NBEAL1: variants seen among roughly 807,000 people sequenced by gnomAD.
The protein encoded by NBEAL1 is neurobeachin-like protein 1.
Under a neutral mutation model 351.3 loss-of-function variants are expected in NBEAL1, and 273 were observed. The ratio of observed to expected loss-of-function variants is 0.78; its 90% CI spans 0.70 to 0.86. The LOEUF (loss-of-function observed/expected upper bound fraction) is 0.86, where lower values mean the gene tolerates loss of function less well. Among genes scored for constraint, NBEAL1 ranks in the 40% least tolerant of loss-of-function variants. The probability of loss-of-function intolerance (pLI) is 0.00; values close to 1 mark genes in which losing one functional copy is unlikely to be tolerated. For missense variants in NBEAL1, 2,961 were observed against 3,201.3 expected (o/e 0.92, Z 1.81); for synonymous variants, 1,050 against 1,086.4 (o/e 0.97, Z 0.66).
intron 12 of NBEAL1, among the ~76,000 whole-genome samples, chr2:203,102,245 T>C (rs2062342516): frequency 6.6e-6 from 1 of 152,226 alleles, no homozygotes; most frequent in Non-Finnish European, 1.5e-5. Flanking sequence ...TAGAATCATA[T>C]TGTCTGCAAA....
At chr2:203,169,388 T>TTA (rs1351517980) in intron 38 of NBEAL1, among the ~76,000 whole-genome samples, 2 of 89,662 alleles carry the variant, frequency 2.2e-5, no homozygotes, top group Admixed American at 1.3e-4. Flanking sequence ...TTGAATATAG[T>TTA]AAAAAAAAAA....
At chr2:203,188,700 A>G (rs2064985148) in intron 45 of NBEAL1, 111 bp downstream of exon 45, 1 of 615,292 alleles carries the variant, frequency 1.6e-6, no homozygotes, top group Admixed American at 2.8e-5. Flanking sequence ...ACATTTTAAA[A>G]ACATCTTTTT....
chr2:203,099,716 A>C lies in NBEAL1; in HGVS notation c.1269+4A>C, dbSNP rs964658358. The C allele has an allele frequency of 6.5e-6, 10 of 1,533,908 alleles. No homozygotes were observed. The highest frequency in any genetic ancestry group is 2.0e-5 in the Admixed American group (1 of 48,848). On this transcript the variant is annotated splice_donor_region_variant and intron_variant, in intron 12 of 55. Transcript: ENST00000683969. ...GAACAAATCTCCAGCTGCTAAGGTG[A>C]AACATATATCCTCCAGCTTTTTTTT...
At chr2:203,107,100 T>G (rs1283801956) in intron 12 of NBEAL1, among the ~76,000 whole-genome samples, 1 of 152,138 alleles carries the variant, frequency 6.6e-6, no homozygotes, top group Non-Finnish European at 1.5e-5. Context: ...ACTATAGTAA[T>G]TACAAATCAA....
intron 6 of NBEAL1, among the ~76,000 whole-genome samples, chr2:203,067,230 G>A (rs980796658): frequency 6.6e-6 from 1 of 152,176 alleles, no homozygotes; most frequent in Non-Finnish European, 1.5e-5. Context: ...CTTTGATAAT[G>A]GTCTTAATTA....
At chr2:203,167,556 T>C (rs925166773) in intron 38 of NBEAL1, among the ~76,000 whole-genome samples, 196 bp downstream of exon 38, 6 of 152,198 alleles carry the variant, frequency 3.9e-5, no homozygotes. Context: ...GGGAGCTCAG[T>C]TTTTATATAT....
intron 10 of NBEAL1, among the ~76,000 whole-genome samples, chr2:203,094,530 C>G (rs962891583): frequency 1.3e-5 from 2 of 152,142 alleles, no homozygotes; most frequent in African/African-American, 4.8e-5. Flanking sequence ...ATTTATGAAT[C>G]AGATGGACAA....
intron 2 of NBEAL1, among the ~76,000 whole-genome samples, chr2:203,019,864 A>G (rs1219403946): frequency 6.6e-6 from 1 of 152,210 alleles, no homozygotes; most frequent in Non-Finnish European, 1.5e-5. Context: ...CTTAAATACT[A>G]GTGACTAAAG....
At chr2:203,180,936 T>A (rs1329541900) in intron 43 of NBEAL1, 1 of 119,380 alleles carries the variant, frequency 8.4e-6, no homozygotes, top group African/African-American at 3.0e-5. Flanking sequence ...CCAGTCAATT[T>A]TTTTTTTTTT....
At chr2:203,158,936 C>T (rs1227162342) in intron 36 of NBEAL1, among the ~76,000 whole-genome samples, 1 of 151,558 alleles carries the variant, frequency 6.6e-6, no homozygotes, top group East Asian at 1.9e-4. Flanking sequence ...CCTCCTGCCG[C>T]AGCCTCCTGA....
At chr2:203,170,328 G>C (rs558620520) in intron 39 of NBEAL1, among the ~76,000 whole-genome samples, 50 of 152,086 alleles carry the variant, frequency 3.3e-4, no homozygotes, top group African/African-American at 1.1e-3. Context: ...GCTAAGATTC[G>C]TGCCACTGCA....
At position 203,068,504 on chromosome 2, in the gene NBEAL1, A is replaced by G. The variant is rs192488881; in HGVS notation, c.598+29A>G. 1.6e-3 allele frequency: 1,983 copies of G among 1,234,864 alleles called. 5 individuals are homozygous for G. The highest frequency in any genetic ancestry group is 2.9e-3 in the Admixed American group (144 of 49,642). The allele number at this position is 1,234,864 out of a possible 1,614,324, so 76.5% of individuals were successfully genotyped here. A position where few individuals can be genotyped will look rare whatever the true frequency, so the allele number is the denominator to read the frequency against. ...AGTAACACCTCTAATTTCTCTTGCT[A>G]TGATTATCATCTTACTCTGATTACT... On this transcript the variant is annotated intron_variant, in intron 7 of 55. Coordinates refer to ENST00000683969, the MANE Select transcript of NBEAL1 (RefSeq NM_001378026.1).
At chr2:203,096,676 C>T (rs2062191141) in intron 10 of NBEAL1, among the ~76,000 whole-genome samples, 1 of 152,158 alleles carries the variant, frequency 6.6e-6, no homozygotes, top group Non-Finnish European at 1.5e-5. Flanking sequence ...TTCTTGATGA[C>T]TTTGGAGAAT....
At position 203,041,845 on chromosome 2, in the gene NBEAL1, G is replaced by A. The variant is rs1367502636; in HGVS notation, c.132G>A (p.Lys44=). 2 of 1,552,424 alleles carry A rather than the reference G, an allele frequency of 1.3e-6. No individual in the cohort carries two copies. Among genetic ancestry groups the A allele is most frequent in the African/African-American group, 2.7e-5 (2 of 73,406 alleles). ...AATTTTTAGACGTTGACTTTGAAAAGCTGCCTACCAGGTATGTAGAAACGC... is the reference window on the plus strand; with the variant it reads ...AATTTTTAGACGTTGACTTTGAAAAACTGCCTACCAGGTATGTAGAAACGC... ...YEQFLDVDFE[K]LPTRVDDMPP... The change falls in exon 3 of 56, where the codon AAG becomes AAA. Residue 44 remains lysine (K), a synonymous_variant. Transcript: ENST00000683969.
intron 2 of NBEAL1, among the ~76,000 whole-genome samples, chr2:203,017,706 G>A (rs771902922): frequency 6.6e-6 from 1 of 151,944 alleles, no homozygotes; most frequent in East Asian, 1.9e-4. Context: ...ATGGGGTTAC[G>A]TGTCTCATTA....
intron 51 of NBEAL1, among the ~76,000 whole-genome samples, chr2:203,206,259 A>G (rs574015719): frequency 6.6e-6 from 1 of 152,358 alleles, no homozygotes; most frequent in East Asian, 1.9e-4. Flanking sequence ...CCATAAATAT[A>G]TATACCTACT....
chr2:203,077,943 A>G, intron 8 of NBEAL1, 106 bp downstream of exon 8: 2 of 541,350 alleles, frequency 3.7e-6, no homozygotes, highest in Non-Finnish European at 5.9e-6. Flanking sequence ...CATTCACCAT[A>G]CAAATATTGA....
chr2:203,071,727 G>T (rs2061685616), intron 7 of NBEAL1, among the ~76,000 whole-genome samples: 1 of 152,098 alleles, frequency 6.6e-6, no homozygotes, highest in Admixed American at 6.6e-5. Context: ...CTATAAACCT[G>T]TGAAAACAAA....
chr2:203,220,020 C>G lies in NBEAL1; in HGVS notation c.*2666C>G, dbSNP rs2065938155. ...GTATAGCCTACTGAATTAAAAATCA[C>G]TAGATAAAATAATTGGAAAGAAGTA... is the stretch of plus-strand genomic sequence containing the variant. On this transcript the variant is annotated 3_prime_UTR_variant, in exon 56 of 56. Coordinates refer to ENST00000683969, the MANE Select transcript of NBEAL1 (RefSeq NM_001378026.1). The G allele has an allele frequency of 6.6e-6, 1 of 151,952 alleles. No homozygotes were observed. The highest frequency in any genetic ancestry group is 2.4e-5 in the African/African-American group (1 of 41,334). 9.4% of individuals were successfully genotyped at this position (151,952 alleles called of 1,614,324 possible).
Sources: allele counts gnomAD v4.1 joint callset (sites outside exome capture counted in the v4.1 genomes callset), GRCh38; gene constraint gnomAD v4.1.1; transcripts MANE v1.5; gene names NCBI Gene and HGNC (gene_info 2026-07-23, HGNC 2026-07-21).